The following KSR1 variants were observed in gnomAD, a reference collection of about 807,000 sequenced individuals.
KSR1 encodes the protein kinase suppressor of ras 1.
In KSR1, 35 loss-of-function variants were observed where a neutral mutation model predicts 92.9. The observed-to-expected ratio is 0.38, with a 90% CI of 0.29 to 0.50. KSR1 has a LOEUF of 0.50. KSR1 is among the 20% of genes least tolerant of loss of function. The probability of loss-of-function intolerance (pLI) is 0.94; values close to 1 mark genes in which losing one functional copy is unlikely to be tolerated. For synonymous variants in KSR1, 467 were observed against 472.6 expected (o/e 0.99, Z 0.15); for missense variants, 972 against 1,158.5 (o/e 0.84, Z 2.34).
At chr17:27,621,946 C>T in intron 20 of KSR1, 1 of 1,613,400 alleles carries the variant, frequency 6.2e-7, no homozygotes, top group Non-Finnish European at 8.5e-7. Context: ...GCCTGGCTGC[C>T]TTGCATGCAC....
intron 2 of KSR1, among the ~76,000 whole-genome samples, chr17:27,553,595 T>G (rs2071482755): frequency 6.6e-6 from 1 of 152,202 alleles, no homozygotes; most frequent in Non-Finnish European, 1.5e-5. Context: ...TGGAGGTACC[T>G]GGGCCTGGCA....
intron 1 of KSR1, among the ~76,000 whole-genome samples, chr17:27,460,636 G>C (rs2019390035): frequency 6.6e-6 from 1 of 152,164 alleles, no homozygotes; most frequent in African/African-American, 2.4e-5. Context: ...GGTCAGAGGG[G>C]AGGCCCTCCT....
chr17:27,601,146 C>T, intron 10 of KSR1: 1 of 577,490 alleles, frequency 1.7e-6, no homozygotes, highest in East Asian at 2.9e-5. Flanking sequence ...GTGCAAGCCC[C>T]TTTAGTCCTG....
chr17:27,574,026 A>C (rs1442170108), intron 2 of KSR1, among the ~76,000 whole-genome samples: 1 of 152,192 alleles, frequency 6.6e-6, no homozygotes, highest in Non-Finnish European at 1.5e-5. Flanking sequence ...CTCCCTCCCC[A>C]GCCCCATTAA....
chr17:27,543,649 C>T (rs576782924), intron 1 of KSR1, among the ~76,000 whole-genome samples: 2 of 152,356 alleles, frequency 1.3e-5, no homozygotes, highest in East Asian at 3.9e-4. Flanking sequence ...CATACCCGAG[C>T]AGCTGGGGTG....
At chr17:27,528,813 G>A (rs1006208292) in intron 1 of KSR1, among the ~76,000 whole-genome samples, 4 of 152,160 alleles carry the variant, frequency 2.6e-5, no homozygotes, top group Admixed American at 6.5e-5. Context: ...GCTGAGGTGG[G>A]AGGATTGCTT....
intron 1 of KSR1, among the ~76,000 whole-genome samples, chr17:27,493,046 A>G (rs1042082874): frequency 1.3e-5 from 2 of 152,220 alleles, no homozygotes; most frequent in African/African-American, 4.8e-5. Flanking sequence ...TGGGATTGCC[A>G]GCCTTTCCCA....
At chr17:27,560,060 C>T (rs1157940632) in intron 2 of KSR1, among the ~76,000 whole-genome samples, 1 of 152,202 alleles carries the variant, frequency 6.6e-6, no homozygotes, top group Non-Finnish European at 1.5e-5. Context: ...GCGCTGCCTC[C>T]CACGTGGCTG....
chr17:27,596,341 C>T (rs2073344532), intron 9 of KSR1, among the ~76,000 whole-genome samples: 1 of 152,212 alleles, frequency 6.6e-6, no homozygotes, highest in Non-Finnish European at 1.5e-5. Flanking sequence ...ACAGAGTGCC[C>T]CTCCTCCCTG....
chr17:27,457,878 T>C (rs1343549279), intron 1 of KSR1, among the ~76,000 whole-genome samples: 1 of 151,924 alleles, frequency 6.6e-6, no homozygotes, highest in African/African-American at 2.4e-5. Context: ...TTTTGTTTTA[T>C]TAGATCCTCA....
chr17:27,550,849 C>T (rs1221599995), intron 2 of KSR1, 141 bp downstream of exon 2: 8 of 614,726 alleles, frequency 1.3e-5, no homozygotes, highest in Non-Finnish European at 2.4e-5. Context: ...TGGGGAGGGA[C>T]AGCAGCGCCA....
intron 13 of KSR1, 114 bp downstream of exon 13, chr17:27,604,842 TC>T: frequency 9.8e-7 from 1 of 1,024,132 alleles, no homozygotes. Flanking sequence ...GCAAGGGCTG[TC>T]CCAGGCACCC....
At chr17:27,485,760 G>A (rs1194862469) in intron 1 of KSR1, among the ~76,000 whole-genome samples, 1 of 152,120 alleles carries the variant, frequency 6.6e-6, no homozygotes, top group African/African-American at 2.4e-5. Flanking sequence ...GTGGGGAATG[G>A]GCCTTGGAGC....
chr17:27,501,278 T>A (rs979425135), intron 1 of KSR1, among the ~76,000 whole-genome samples: 2 of 140,360 alleles, frequency 1.4e-5, no homozygotes, highest in African/African-American at 2.6e-5. Flanking sequence ...TTTTTTTTTT[T>A]AATTTCTTTT....
At chr17:27,544,112 T>A (rs2071075233) in intron 1 of KSR1, among the ~76,000 whole-genome samples, 1 of 152,218 alleles carries the variant, frequency 6.6e-6, no homozygotes, top group Non-Finnish European at 1.5e-5. Flanking sequence ...CATGTAAGCC[T>A]TCACAACAGC....
At chr17:27,570,848 A>G (rs546781330) in intron 2 of KSR1, among the ~76,000 whole-genome samples, 1 of 152,220 alleles carries the variant, frequency 6.6e-6, no homozygotes, top group Admixed American at 6.5e-5. Flanking sequence ...CATGGTCCGC[A>G]CCTCCAGAAA....
At chr17:27,492,801 G>A (rs1227749774) in intron 1 of KSR1, among the ~76,000 whole-genome samples, 1 of 152,160 alleles carries the variant, frequency 6.6e-6, no homozygotes, top group African/African-American at 2.4e-5. Flanking sequence ...TTTTGAGCCC[G>A]AGTTCCCCAT....
intron 1 of KSR1, among the ~76,000 whole-genome samples, chr17:27,518,396 G>T (rs186106068): frequency 6.6e-6 from 1 of 152,168 alleles, no homozygotes. Context: ...AAGGCAGAAG[G>T]TATGTATTTC....
intron 1 of KSR1, among the ~76,000 whole-genome samples, chr17:27,523,310 C>T (rs909333732): frequency 2.6e-5 from 4 of 151,648 alleles, no homozygotes; most frequent in African/African-American, 4.9e-5. Flanking sequence ...CATGAATCAG[C>T]CCGACTACAT....
Sources: gnomAD v4.1 joint callset for allele counts (sites outside exome capture counted in the v4.1 genomes callset) on GRCh38, gnomAD v4.1.1 for gene constraint, MANE v1.5 for transcripts, NCBI Gene and HGNC (gene_info 2026-07-23, HGNC 2026-07-21) for gene names.